ALDH3A2: variants seen among roughly 807,000 people sequenced by gnomAD.
ALDH3A2 encodes aldehyde dehydrogenase 3 family member A2, also known as aldehyde dehydrogenase family 3 member A2.
ALDH3A2 carries 36 observed loss-of-function variants against 51.3 expected under a neutral mutation model. The ratio of observed to expected loss-of-function variants is 0.70; its 90% CI spans 0.54 to 0.93. The LOEUF (loss-of-function observed/expected upper bound fraction) is 0.93, where lower values mean the gene tolerates loss of function less well. ALDH3A2 is among the 40% of genes least tolerant of loss of function. The pLI is 0.00. For synonymous variants in ALDH3A2, 199 were observed against 219.8 expected (o/e 0.91, Z 0.84); for missense variants, 552 against 603.1 (o/e 0.92, Z 0.89).
rs1010078101 is a variant in ALDH3A2, at chr17:19,665,042, G to A, written c.1202G>A (p.Gly401Glu). 2.5e-6 allele frequency: 4 copies of A among 1,612,900 alleles called. No homozygotes were observed. Among genetic ancestry groups the A allele is most frequent in the Non-Finnish European group, 2.5e-6 (3 of 1,178,902 alleles). ...ACGCTCAACTCTTTCCCATTTGGAG[G>A]AGTGGGTGAGTCTTATTTTCTCCTG... ...HFTLNSFPFGGVGSSGMGAYH... is the reference protein window; with the variant it reads ...HFTLNSFPFGEVGSSGMGAYH... Residue 401 changes from glycine to glutamate, a missense_variant, in exon 8 of 10, where the codon GGA becomes GAA. By Grantham distance (98) the Gly-to-Glu change is moderately conservative. Transcript: ENST00000176643.
At chr17:19,661,325 C>T in intron 6 of ALDH3A2, 57 bp downstream of exon 6, 1 of 1,592,022 alleles carries the variant, frequency 6.3e-7, no homozygotes, top group Non-Finnish European at 8.6e-7. Flanking sequence ...TTTTTGCTGA[C>T]ACTACTTATT....
At chr17:19,659,409 A>T (rs1484451331) in intron 5 of ALDH3A2, among the ~76,000 whole-genome samples, 1 of 152,008 alleles carries the variant, frequency 6.6e-6, no homozygotes, top group African/African-American at 2.4e-5. Flanking sequence ...ATGGTGGCAC[A>T]TGCCTGTAGT....
Position 19,664,024 on chromosome 17 carries a change from C to T in ALDH3A2, c.1107+525C>T, listed in dbSNP as rs115763879. Among the ~76,000 whole-genome samples, 305 of 152,334 alleles carry T rather than the reference C, an allele frequency of 2.0e-3. 1 individual carries two copies. Among genetic ancestry groups the T allele is most frequent in the African/African-American group, 6.6e-3 (276 of 41,568 alleles). On this transcript the variant is annotated intron_variant, in intron 7 of 9. Coordinates refer to ENST00000176643, the MANE Select transcript of ALDH3A2 (RefSeq NM_000382.3). ...TCTGCCACTTTCTGCATGGCTCACT[C>T]ATTCATGTCACTAGGTGACCAGCCG...
At chr17:19,657,647 C>CT in intron 4 of ALDH3A2, 98 bp from the exon 5 acceptor site, 2 of 914,940 alleles carry the variant, frequency 2.2e-6, no homozygotes, top group South Asian at 2.7e-5. Context: ...ATATATGAAT[C>CT]TATTTTAGTT....
Position 19,650,466 on chromosome 17 carries a change from T to A in ALDH3A2, c.154-1081T>A, listed in dbSNP as rs115176599. ...TGTTTTTGTTTTTGTTTTTGTTTTT[T>A]TTCTTGAGGCGGAGTCTCGCTCTTT... On this transcript the variant is annotated intron_variant, in intron 1 of 9. Coordinates refer to ENST00000176643, the MANE Select transcript of ALDH3A2 (RefSeq NM_000382.3). 6.7e-3 allele frequency among the ~76,000 whole-genome samples: 1,016 copies of A among 151,878 alleles called. 7 individuals carry two copies. Among genetic ancestry groups the A allele is most frequent in the African/African-American group, 0.022 (927 of 41,410 alleles).
At chr17:19,658,695 C>T (rs1219477866) in intron 5 of ALDH3A2, among the ~76,000 whole-genome samples, 1 of 151,076 alleles carries the variant, frequency 6.6e-6, no homozygotes, top group Non-Finnish European at 1.5e-5. Flanking sequence ...TTGCAGTGAG[C>T]CAAGATCACG....
At position 19,649,090 on chromosome 17, in the gene ALDH3A2, A is replaced by G. The variant is rs147190807; in HGVS notation, c.119A>G (p.Asp40Gly). Residue 40 changes from aspartate to glycine, a missense_variant, in exon 1 of 10, where the codon GAT (aspartate) becomes GGT (glycine). Transcript: ENST00000176643. ...LRRMVQEREK[D>G]ILTAIAADLC... is the part of the protein sequence containing the mutation. ...AGGATGGTGCAGGAGCGCGAGAAGG[A>G]TATCCTGACGGCCATCGCCGCCGAC... is the stretch of plus-strand genomic sequence containing the variant. The G allele has an allele frequency of 6.5e-4, 1,024 of 1,582,244 alleles. 2 individuals are homozygous for G. The highest frequency in any genetic ancestry group is 1.3e-3 in the Middle Eastern group (8 of 6,026).
Position 19,648,868 on chromosome 17 carries a change from C to A in ALDH3A2, c.-104C>A, listed in dbSNP as rs944782276. On this transcript the variant is annotated 5_prime_UTR_variant, in exon 1 of 10. Coordinates refer to ENST00000176643, the MANE Select transcript of ALDH3A2 (RefSeq NM_000382.3). ...TGTGGGTTGACGGTGGAGACACCCC[C>A]CGGAGGGAGGCGGAGGGAAGGGAGG... 1.4e-6 allele frequency: 2 copies of A among 1,458,594 alleles called. No homozygotes were observed. The highest frequency in any genetic ancestry group is 2.5e-5 in the East Asian group (1 of 40,112). The allele number at this position is 1,458,594 out of a possible 1,614,324, so 90.4% of individuals were successfully genotyped here.
intron 8 of ALDH3A2, among the ~76,000 whole-genome samples, chr17:19,669,777 AG>A (rs936841230): frequency 1.2e-4 from 19 of 152,078 alleles, no homozygotes; most frequent in African/African-American, 3.6e-4. Flanking sequence ...TGGGATTACA[AG>A]GGTGCACCAC....
intron 7 of ALDH3A2, among the ~76,000 whole-genome samples, chr17:19,663,733 A>G (rs1001941797): frequency 6.6e-5 from 10 of 152,334 alleles, no homozygotes; most frequent in African/African-American, 2.4e-4. Flanking sequence ...CTGAGTCTGC[A>G]GGGTTGAGTG....
At chr17:19,673,184 T>TTGA in intron 9 of ALDH3A2, 1 of 1,614,190 alleles carries the variant, frequency 6.2e-7, no homozygotes, top group Non-Finnish European at 8.5e-7. Flanking sequence ...AAAGGCCCTG[T>TTGA]TGATTTTTCT....
chr17:19,673,439 C>T (rs758778410), intron 9 of ALDH3A2, among the ~76,000 whole-genome samples: 3 of 151,376 alleles, frequency 2.0e-5, no homozygotes, highest in Non-Finnish European at 2.9e-5. Flanking sequence ...AAGAATGGGC[C>T]GGGCGCAGTG....
Position 19,649,060 on chromosome 17 carries a change from T to A in ALDH3A2, c.89T>A (p.Leu30Gln). The change falls in exon 1 of 10, where the codon CTG (leucine) becomes CAG (glutamine). Residue 30 changes from leucine (L) to glutamine (Q), a missense_variant. Physicochemically the swap from Leu to Gln is moderately radical, Grantham distance 113 (BLOSUM62 -2). Transcript: ENST00000176643. Reference protein sequence around the residue: ...LRFRLQQLEALRRMVQEREKD... With the variant: ...LRFRLQQLEAQRRMVQEREKD... ...TTTCGGCTGCAGCAGCTGGAGGCCCTGCGGAGGATGGTGCAGGAGCGCGAG... is the reference window on the plus strand; with the variant it reads ...TTTCGGCTGCAGCAGCTGGAGGCCCAGCGGAGGATGGTGCAGGAGCGCGAG... 6.3e-7 allele frequency: 1 copy of A among 1,584,344 alleles called. No homozygotes were observed. The highest frequency in any genetic ancestry group is 8.6e-7 in the Non-Finnish European group (1 of 1,165,830).
At chr17:19,663,882 G>A (rs1321224898) in intron 7 of ALDH3A2, among the ~76,000 whole-genome samples, 2 of 152,254 alleles carry the variant, frequency 1.3e-5, no homozygotes, top group Admixed American at 6.5e-5. Flanking sequence ...CACCCACTGT[G>A]TGGGACAAAG....
At chr17:19,661,777 GA>G (rs1028529078) in intron 6 of ALDH3A2, among the ~76,000 whole-genome samples, 2 of 148,602 alleles carry the variant, frequency 1.3e-5, no homozygotes, top group African/African-American at 5.0e-5. Context: ...TAAGGTGACA[GA>G]AAAATTAGAC....
At chr17:19,673,589 G>A (rs559614046) in intron 9 of ALDH3A2, among the ~76,000 whole-genome samples, 4 of 152,046 alleles carry the variant, frequency 2.6e-5, no homozygotes, top group East Asian at 1.9e-4. Flanking sequence ...GTGGTGGTAC[G>A]TGACTGTAGT....
intron 6 of ALDH3A2, 64 bp from the exon 7 acceptor site, chr17:19,663,269 T>G (rs2084990529): frequency 6.4e-7 from 1 of 1,560,756 alleles, no homozygotes; most frequent in African/African-American, 1.4e-5. Context: ...ATGAAAGAGA[T>G]GTAATATGAG....
In ALDH3A2 at chr17:19,649,038, C is replaced by T. The variant is rs757362249; in HGVS notation, c.67C>T (p.Arg23Trp). ...LSGRSRPLRF[R>W]LQQLEALRRM... ...CGGCCGGTCGCGACCTCTGCGGTTT[C>T]GGCTGCAGCAGCTGGAGGCCCTGCG... is the stretch of plus-strand genomic sequence containing the variant. Residue 23 changes from arginine to tryptophan, a missense_variant, in exon 1 of 10, where the codon CGG becomes TGG. Transcript: ENST00000176643. 6.3e-7 allele frequency: 1 copy of T among 1,583,830 alleles called. No homozygotes were observed. The highest frequency in any genetic ancestry group is 8.6e-7 in the Non-Finnish European group (1 of 1,165,412).
At chr17:19,651,970 A>G (rs2084822367) in intron 2 of ALDH3A2, among the ~76,000 whole-genome samples, 192 bp downstream of exon 2, 1 of 152,146 alleles carries the variant, frequency 6.6e-6, no homozygotes, top group South Asian at 2.1e-4. Flanking sequence ...TTGTGTGGCT[A>G]TGTTTTGAAG....
Sources: allele counts gnomAD v4.1 joint callset (sites outside exome capture counted in the v4.1 genomes callset), GRCh38; gene constraint gnomAD v4.1.1; transcripts MANE v1.5; gene names NCBI Gene and HGNC (gene_info 2026-07-23, HGNC 2026-07-21).